Variants in SNAP29 observed in about 807,000 individuals in gnomAD.
SNAP29 encodes the protein synaptosome associated protein 29.
In SNAP29, 13 loss-of-function variants were observed where a neutral mutation model predicts 27.9. That is an observed-to-expected ratio of 0.47 (90% CI 0.30 to 0.74). The LOEUF (loss-of-function observed/expected upper bound fraction) is 0.74. Among genes scored for constraint, SNAP29 ranks in the 30% least tolerant of loss-of-function variants. The pLI, the probability that SNAP29 is intolerant of heterozygous loss-of-function variation, is 0.06. For synonymous variants in SNAP29, 119 were observed against 127.1 expected (o/e 0.94, Z 0.43); for missense variants, 368 against 336.5 (o/e 1.09, Z -0.73).
At chr22:20,884,667 G>T (rs192148499) in intron 4 of SNAP29, among the ~76,000 whole-genome samples, 7 of 152,312 alleles carry the variant, frequency 4.6e-5, no homozygotes, top group African/African-American at 1.7e-4. Flanking sequence ...TTTGCCTGCT[G>T]TCTTCCCAAT....
At chr22:20,875,786 C>T (rs1455233972) in intron 2 of SNAP29, among the ~76,000 whole-genome samples, 2 of 151,868 alleles carry the variant, frequency 1.3e-5, no homozygotes. Context: ...AAGATTCTGT[C>T]TCTACAAACA....
rs1929095302 is a variant in SNAP29 at position 20,889,249 on chromosome 22, C to CA, written c.*1416dup. The CA allele has an allele frequency of 6.6e-6, 1 of 152,162 alleles. No individual in the cohort carries two copies. Among genetic ancestry groups the CA allele is most frequent in the Admixed American group, 6.6e-5 (1 of 15,258 alleles). The allele number at this position is 152,162 out of a possible 1,614,324, so 9.4% of individuals were successfully genotyped here. A position where few individuals can be genotyped will look rare whatever the true frequency, so the allele number is the denominator to read the frequency against. ...CTGCAGCCTATAAACAGTGGTGTCT[C>CA]AAAGCAAAGGAAACCTCCACAAGTG... On this transcript the variant is annotated 3_prime_UTR_variant, in exon 5 of 5. Transcript: ENST00000215730.
At position 20,887,763 on chromosome 22, in the gene SNAP29, A is replaced by T. The variant is rs1354762470; in HGVS notation, c.704A>T (p.Asp235Val). Residue 235 changes from aspartate (D) to valine (V), a missense_variant, in exon 5 of 5, where the codon GAC (aspartate) becomes GTC (valine). Asp to Val is a radical substitution (Grantham distance 152). Coordinates refer to ENST00000215730, the MANE Select transcript of SNAP29 (RefSeq NM_004782.4). The part of the protein sequence containing the change: ...TEIEEQDDIL[D>V]RLTTKVDKLD... ...ATTGAGGAGCAAGATGACATTCTTG[A>T]CCGGCTGACAACCAAAGTGGACAAG... 1.2e-6 allele frequency: 2 copies of T among 1,614,096 alleles called. No homozygotes were observed.
intron 1 of SNAP29, among the ~76,000 whole-genome samples, chr22:20,865,803 G>A (rs1289165423): frequency 6.6e-6 from 1 of 152,256 alleles, no homozygotes; most frequent in African/African-American, 2.4e-5. Context: ...TCCCCATGGA[G>A]TCATGTGGAC....
chr22:20,881,129 A>T lies in SNAP29; in HGVS notation c.515A>T (p.Asp172Val), dbSNP rs199966455. Residue 172 changes from aspartate to valine, a missense_variant, in exon 3 of 5, where the codon GAT becomes GTT. Transcript: ENST00000215730. ...ASHPNLRKLD[D>V]TDPVPRGAGS... ...CACCCAAACCTTAGAAAGCTGGATGATACAGGTAAGTGGATACCTGTGTGC... is the reference window on the plus strand; with the variant it reads ...CACCCAAACCTTAGAAAGCTGGATGTTACAGGTAAGTGGATACCTGTGTGC... The T allele has an allele frequency of 2.1e-5, 34 of 1,605,918 alleles. No individual in the cohort carries two copies. The highest frequency in any genetic ancestry group is 2.9e-5 in the Non-Finnish European group (34 of 1,172,498).
At chr22:20,875,388 C>G (rs1928714607) in intron 2 of SNAP29, among the ~76,000 whole-genome samples, 1 of 152,202 alleles carries the variant, frequency 6.6e-6, no homozygotes, top group Admixed American at 6.5e-5. Context: ...AACTTTCACC[C>G]ACACTCTGCA....
At chr22:20,868,659 G>A (rs1391969286) in intron 1 of SNAP29, among the ~76,000 whole-genome samples, 1 of 152,196 alleles carries the variant, frequency 6.6e-6, no homozygotes, top group African/African-American at 2.4e-5. Context: ...GCCACAGGGT[G>A]ATGGGTGGAT....
rs142594380 is a variant in SNAP29, at chr22:20,886,908, C to T, written c.620-771C>T. ...GATTACAGGCATGAGCCATTGTACC[C>T]GGCCAAAACTACCTTTTTAAAAAAA... On this transcript the variant is annotated intron_variant, in intron 4 of 4. Coordinates refer to ENST00000215730, the MANE Select transcript of SNAP29 (RefSeq NM_004782.4). 8.5e-3 allele frequency among the ~76,000 whole-genome samples: 1,300 copies of T among 152,104 alleles called. 11 individuals carry two copies. Among genetic ancestry groups the T allele is most frequent in the Admixed American group, 0.025 (389 of 15,276 alleles).
chr22:20,860,796 C>A (rs1373800889), intron 1 of SNAP29, among the ~76,000 whole-genome samples: 1 of 152,070 alleles, frequency 6.6e-6, no homozygotes, highest in Non-Finnish European at 1.5e-5. Flanking sequence ...TTCTGTAATC[C>A]CAACAATTTG....
Position 20,859,021 on chromosome 22 carries a change from C to T in SNAP29, c.-90C>T. The T allele has an allele frequency of 7.2e-7, 1 of 1,385,458 alleles. No individual in the cohort carries two copies. The highest frequency in any genetic ancestry group is 1.5e-5 in the African/African-American group (1 of 68,592). The allele number at this position is 1,385,458 out of a possible 1,614,324, so 85.8% of individuals were successfully genotyped here. A position where few individuals can be genotyped will look rare whatever the true frequency, so the allele number is the denominator to read the frequency against. On this transcript the variant is annotated 5_prime_UTR_variant, in exon 1 of 5. Transcript: ENST00000215730. ...GCGCGGAAGGAGTTCGCGCGACGAC[C>T]GCGGGGTCGGCGGGCGGGGCGAGGC...
intron 2 of SNAP29, among the ~76,000 whole-genome samples, chr22:20,878,256 G>A (rs1389317780): frequency 1.3e-5 from 2 of 152,090 alleles, no homozygotes; most frequent in African/African-American, 4.8e-5. Context: ...AGAAAAGCAA[G>A]GCAGGCCGGG....
At chr22:20,860,607 GC>G (rs1928276068) in intron 1 of SNAP29, among the ~76,000 whole-genome samples, 1 of 151,966 alleles carries the variant, frequency 6.6e-6, no homozygotes, top group Non-Finnish European at 1.5e-5. Flanking sequence ...CTGACCTCAG[GC>G]AGTCCGCCCG....
At chr22:20,863,028 C>T (rs1928364784) in intron 1 of SNAP29, among the ~76,000 whole-genome samples, 1 of 152,126 alleles carries the variant, frequency 6.6e-6, no homozygotes, top group South Asian at 2.1e-4. Context: ...GCCAAGACTA[C>T]AGGTGCACGC....
chr22:20,861,117 G>GTTTTTTTTTTTTTTT (rs1491578419), intron 1 of SNAP29, among the ~76,000 whole-genome samples: 1 of 105,028 alleles, frequency 9.5e-6, no homozygotes, highest in Non-Finnish European at 1.9e-5. Flanking sequence ...ACCTCCCTGT[G>GTTTTTTTTTTTTTTT]GTTTTTTTTT....
At chr22:20,861,265 C>T (rs1481860992) in intron 1 of SNAP29, among the ~76,000 whole-genome samples, 2 of 151,830 alleles carry the variant, frequency 1.3e-5, no homozygotes, top group Non-Finnish European at 2.9e-5. Flanking sequence ...CTAAGGCGTG[C>T]ACTACCACAC....
At chr22:20,862,699 G>A (rs1426864427) in intron 1 of SNAP29, among the ~76,000 whole-genome samples, 2 of 152,206 alleles carry the variant, frequency 1.3e-5, no homozygotes, top group Non-Finnish European at 1.5e-5. Flanking sequence ...GGCCAGGCCA[G>A]GCATTGCTGT....
intron 1 of SNAP29, among the ~76,000 whole-genome samples, chr22:20,864,110 C>T (rs1985312183): frequency 6.6e-6 from 1 of 152,126 alleles, no homozygotes; most frequent in African/African-American, 2.4e-5. Context: ...GTGGAGGAGA[C>T]TCACCTGCCC....
chr22:20,881,265 C>A, intron 3 of SNAP29, 131 bp downstream of exon 3: 1 of 712,106 alleles, frequency 1.4e-6, no homozygotes, highest in South Asian at 1.5e-5. Flanking sequence ...CTGGCATCAC[C>A]CATGCTAGCC....
intron 4 of SNAP29, among the ~76,000 whole-genome samples, chr22:20,887,039 T>G (rs1475670273): frequency 6.6e-6 from 1 of 151,944 alleles, no homozygotes; most frequent in African/African-American, 2.4e-5. Context: ...CTGGCCAATA[T>G]GGTGAAACCC....
Sources: gnomAD v4.1 joint callset for allele counts (sites outside exome capture counted in the v4.1 genomes callset) on GRCh38, gnomAD v4.1.1 for gene constraint, MANE v1.5 for transcripts, NCBI Gene and HGNC (gene_info 2026-07-23, HGNC 2026-07-21) for gene names.